The following SLCO2A1 variants were observed in gnomAD, a reference collection of about 807,000 sequenced individuals.
SLCO2A1 encodes the protein solute carrier organic anion transporter family member 2A1.
In SLCO2A1, 60 loss-of-function variants were observed where a neutral mutation model predicts 71.7. The observed-to-expected ratio is 0.84, with a 90% CI of 0.68 to 1.04. The LOEUF (loss-of-function observed/expected upper bound fraction) is 1.04, where lower values mean the gene tolerates loss of function less well. Ranked by LOEUF, SLCO2A1 falls within the 50% of genes least tolerant of loss-of-function variation. The pLI, the probability that SLCO2A1 is intolerant of heterozygous loss-of-function variation, is 0.00. For synonymous variants in SLCO2A1, 308 were observed against 326.7 expected (o/e 0.94, Z 0.62); for missense variants, 745 against 813.4 (o/e 0.92, Z 1.02).
chr3:133,940,319 T>A (rs1290175759), intron 11 of SLCO2A1, among the ~76,000 whole-genome samples: 2 of 152,202 alleles, frequency 1.3e-5, no homozygotes, highest in Non-Finnish European at 2.9e-5. Context: ...GCATCAATTC[T>A]GTCATCTTTC....
At chr3:133,984,655 C>T (rs762702681) in intron 1 of SLCO2A1, among the ~76,000 whole-genome samples, 5 of 152,170 alleles carry the variant, frequency 3.3e-5, no homozygotes, top group Non-Finnish European at 5.9e-5. Context: ...CACTTGACAC[C>T]GTGCAGATAA....
intron 1 of SLCO2A1, among the ~76,000 whole-genome samples, chr3:134,012,215 T>A (rs1355330086): frequency 1.3e-5 from 2 of 152,206 alleles, no homozygotes; most frequent in African/African-American, 4.8e-5. Context: ...ATTTCAACCC[T>A]GCTGAGCAGT....
At chr3:134,027,343 T>A (rs1253210453) in intron 1 of SLCO2A1, among the ~76,000 whole-genome samples, 1 of 152,250 alleles carries the variant, frequency 6.6e-6, no homozygotes, top group East Asian at 1.9e-4. Context: ...TAATCGGTTA[T>A]GTTATCTATA....
chr3:134,014,764 G>A (rs919587363), intron 1 of SLCO2A1, among the ~76,000 whole-genome samples: 1 of 152,202 alleles, frequency 6.6e-6, no homozygotes, highest in Non-Finnish European at 1.5e-5. Flanking sequence ...GAAGAAGAGT[G>A]AGATGACCAG....
At chr3:133,975,464 C>T (rs1431286999) in intron 2 of SLCO2A1, among the ~76,000 whole-genome samples, 2 of 152,180 alleles carry the variant, frequency 1.3e-5, no homozygotes, top group Non-Finnish European at 2.9e-5. Flanking sequence ...CGGGACCCTG[C>T]CTTCACCCAT....
intron 3 of SLCO2A1, among the ~76,000 whole-genome samples, chr3:133,970,217 G>A (rs1405335814): frequency 6.6e-6 from 1 of 152,198 alleles, no homozygotes; most frequent in African/African-American, 2.4e-5. Context: ...CAGCCACCAG[G>A]CTAAATTCTG....
intron 1 of SLCO2A1, among the ~76,000 whole-genome samples, chr3:134,015,033 C>G (rs1935417759): frequency 1.3e-5 from 2 of 152,156 alleles, no homozygotes; most frequent in African/African-American, 2.4e-5. Flanking sequence ...GTCCTTAAAT[C>G]TTCCTAAAAG....
chr3:134,025,945 A>G (rs545415524), intron 1 of SLCO2A1, among the ~76,000 whole-genome samples: 13 of 152,310 alleles, frequency 8.5e-5, no homozygotes, highest in Non-Finnish European at 1.8e-4. Flanking sequence ...AAAACAAGAA[A>G]TTTGTTTTTG....
intron 1 of SLCO2A1, among the ~76,000 whole-genome samples, chr3:134,028,897 A>T (rs1367321386): frequency 6.6e-6 from 1 of 152,170 alleles, no homozygotes; most frequent in African/African-American, 2.4e-5. Flanking sequence ...CCTGTGAGGG[A>T]GTGGAAAGCA....
At chr3:134,001,616 A>C (rs1446470567) in intron 1 of SLCO2A1, among the ~76,000 whole-genome samples, 1 of 152,156 alleles carries the variant, frequency 6.6e-6, no homozygotes, top group Non-Finnish European at 1.5e-5. Context: ...ACAGGGAAAG[A>C]GGGTGAGAAA....
At chr3:134,020,745 A>G in intron 1 of SLCO2A1, among the ~76,000 whole-genome samples, 1 of 147,556 alleles carries the variant, frequency 6.8e-6, no homozygotes, top group African/African-American at 2.5e-5. Context: ...GAACTTGCCC[A>G]CTCCATTTGA....
At chr3:134,025,119 G>T (rs543013278) in intron 1 of SLCO2A1, among the ~76,000 whole-genome samples, 1 of 152,100 alleles carries the variant, frequency 6.6e-6, no homozygotes, top group Non-Finnish European at 1.5e-5. Flanking sequence ...AAAACTCATT[G>T]CGGGACTCAT....
intron 1 of SLCO2A1, among the ~76,000 whole-genome samples, chr3:134,004,039 G>A (rs1239372186): frequency 6.6e-6 from 1 of 152,044 alleles, no homozygotes; most frequent in Non-Finnish European, 1.5e-5. Flanking sequence ...GAATTTTGAA[G>A]CTGCTTAGCC....
At chr3:133,962,042 C>T (rs1044364499) in intron 3 of SLCO2A1, among the ~76,000 whole-genome samples, 1 of 152,170 alleles carries the variant, frequency 6.6e-6, no homozygotes. Context: ...CTAGCTCACT[C>T]TGGTCAGAAT....
At chr3:134,006,309 C>T in intron 1 of SLCO2A1, among the ~76,000 whole-genome samples, 1 of 152,208 alleles carries the variant, frequency 6.6e-6, no homozygotes, top group Non-Finnish European at 1.5e-5. Context: ...GCCTCAGCCT[C>T]CCAAAGTGCT....
intron 1 of SLCO2A1, among the ~76,000 whole-genome samples, chr3:134,014,573 A>G (rs1576460295): frequency 6.6e-6 from 1 of 152,196 alleles, no homozygotes; most frequent in East Asian, 1.9e-4. Context: ...GTTTCATAAC[A>G]GGTCTCCTAG....
intron 1 of SLCO2A1, among the ~76,000 whole-genome samples, chr3:134,001,461 C>T (rs1935102426): frequency 1.3e-5 from 2 of 152,158 alleles, no homozygotes; most frequent in African/African-American, 4.8e-5. Flanking sequence ...GAGGCTGCAC[C>T]GGACTGGACT....
intron 1 of SLCO2A1, among the ~76,000 whole-genome samples, chr3:134,026,312 C>A (rs149781887): frequency 6.6e-6 from 1 of 151,592 alleles, no homozygotes; most frequent in African/African-American, 2.4e-5. Context: ...TGGACCCACC[C>A]GGAGTCCCAC....
intron 6 of SLCO2A1, chr3:133,950,981 T>C (rs1309934958): frequency 1.8e-6 from 1 of 540,576 alleles, no homozygotes; most frequent in Non-Finnish European, 3.3e-6. Context: ...CTCCTGATCC[T>C]TGACATGCTA....
Sources: gnomAD v4.1 joint callset for allele counts (sites outside exome capture counted in the v4.1 genomes callset) on GRCh38, gnomAD v4.1.1 for gene constraint, MANE v1.5 for transcripts, NCBI Gene and HGNC (gene_info 2026-07-23, HGNC 2026-07-21) for gene names.